STIM1: variants seen among roughly 807,000 people sequenced by gnomAD.
The protein encoded by STIM1 is stromal interaction molecule 1.
In STIM1, 25 loss-of-function variants were observed where a neutral mutation model predicts 74.7. The observed-to-expected ratio is 0.33, with a 90% CI of 0.24 to 0.47. The LOEUF (loss-of-function observed/expected upper bound fraction) is 0.47. Among genes scored for constraint, STIM1 ranks in the 20% least tolerant of loss-of-function variants. The pLI, the probability that STIM1 is intolerant of heterozygous loss-of-function variation, is 1.00. For synonymous variants in STIM1, 328 were observed against 348.8 expected (o/e 0.94, Z 0.66); for missense variants, 728 against 920.8 (o/e 0.79, Z 2.71).
Position 4,086,815 on chromosome 11 carries a change from C to G in STIM1, c.1634+272C>G, listed in dbSNP as rs746854219. 1.1e-4 allele frequency: 170 copies of G among 1,536,390 alleles called. No individual in the cohort carries two copies. The African/African-American group carries it at 1.7e-3, about 15-fold the overall frequency. The stretch of plus-strand genomic sequence containing the variant: ...GATGGAGCCCTACCCTGACACACCC[C>G]CTTCTGACAGCACCGCTGTGATGCC... On this transcript the variant is annotated intron_variant, in intron 12 of 12. Transcript: ENST00000526596.
At chr11:4,016,725 C>A (rs1056407724) in intron 2 of STIM1, among the ~76,000 whole-genome samples, 7 of 152,262 alleles carry the variant, frequency 4.6e-5, no homozygotes, top group African/African-American at 1.4e-4. Context: ...AGCTCCTTGC[C>A]ACTTTATTTA....
intron 1 of STIM1, among the ~76,000 whole-genome samples, chr11:3,921,112 A>G (rs564292838): frequency 1.6e-4 from 25 of 152,100 alleles, no homozygotes; most frequent in Non-Finnish European, 3.2e-4. Context: ...TAAGTATCTT[A>G]AGATGCAAGG....
At chr11:4,059,478 G>T in intron 5 of STIM1, 82 bp downstream of exon 5, 1 of 1,125,666 alleles carries the variant, frequency 8.9e-7, no homozygotes, top group South Asian at 1.3e-5. Context: ...CTAAGGCTCT[G>T]GGTCTCCTAG....
At chr11:4,006,202 G>A (rs1057076682) in intron 2 of STIM1, among the ~76,000 whole-genome samples, 1 of 152,110 alleles carries the variant, frequency 6.6e-6, no homozygotes, top group Non-Finnish European at 1.5e-5. Flanking sequence ...TCATTTAGAA[G>A]TGTGGTAGCA....
At chr11:3,917,204 AG>A (rs2092657437) in intron 1 of STIM1, among the ~76,000 whole-genome samples, 1 of 152,154 alleles carries the variant, frequency 6.6e-6, no homozygotes, top group Non-Finnish European at 1.5e-5. Context: ...CACAGCTGGC[AG>A]GGGTGAGGGG....
intron 3 of STIM1, among the ~76,000 whole-genome samples, chr11:4,051,944 C>T (rs1443317772): frequency 6.6e-6 from 1 of 152,334 alleles, no homozygotes; most frequent in African/African-American, 2.4e-5. Flanking sequence ...AAATCATAAG[C>T]ATTCCTATAC....
intron 10 of STIM1, among the ~76,000 whole-genome samples, chr11:4,084,440 A>G (rs890729866): frequency 2.0e-5 from 3 of 152,176 alleles, no homozygotes; most frequent in African/African-American, 7.2e-5. Context: ...CTAATCTGAT[A>G]ACTCGTTAGG....
chr11:4,070,177 G>A lies in STIM1; in HGVS notation c.765G>A (p.Glu255=). The change falls in exon 6 of 13, where the codon GAG becomes GAA. Residue 255 remains glutamate, a synonymous_variant. Coordinates refer to ENST00000526596, the MANE Select transcript of STIM1 (RefSeq NM_001382567.1). ...MKDLEGLHRA[E]QSLHDLQERL... ...ACTTGGAGGGGTTACACCGAGCTGA[G>A]CAGAGTCTGCATGACCTTCAGGAAA... 3 of 1,614,156 alleles carry A rather than the reference G, an allele frequency of 1.9e-6. No individual in the cohort carries two copies. Among genetic ancestry groups the A allele is most frequent in the Non-Finnish European group, 2.5e-6 (3 of 1,180,028 alleles).
chr11:4,028,039 C>G (rs1293166559), intron 3 of STIM1, among the ~76,000 whole-genome samples: 1 of 152,186 alleles, frequency 6.6e-6, no homozygotes, highest in Admixed American at 6.5e-5. Context: ...TTTCTCTTCT[C>G]CTTTCCTGGA....
Position 3,855,888 on chromosome 11 carries a change from T to C in STIM1, c.-383T>C, listed in dbSNP as rs200604943. ...GTCAGGTGCCCCCTTCTCGCCTCTC[T>C]TCTCTTCTCTTCTCTTCCTCCTCCA... is the stretch of plus-strand genomic sequence containing the variant. On this transcript the variant is annotated 5_prime_UTR_variant, in exon 1 of 13. Coordinates refer to ENST00000526596, the MANE Select transcript of STIM1 (RefSeq NM_001382567.1). The C allele has an allele frequency of 1.7e-5, 2 of 116,570 alleles. No homozygotes were observed. Among genetic ancestry groups the C allele is most frequent in the Non-Finnish European group, 2.1e-5 (1 of 48,068 alleles). The allele number at this position is 116,570 out of a possible 1,614,324, so 7.2% of individuals were successfully genotyped here.
chr11:4,089,157 A>G (rs10835605), intron 12 of STIM1: 171,324 of 221,304 alleles, frequency 0.77, 69,984 homozygotes, highest in South Asian at 0.91. Flanking sequence ...TGGGAGGTCA[A>G]GGCTGCAGTG....
rs1206470512 is a variant in STIM1, at chr11:4,083,443, G to T, written c.1419G>T (p.Met473Ile). 2.5e-6 allele frequency: 4 copies of T among 1,614,212 alleles called. No homozygotes were observed. In the Admixed American group the frequency reaches 5.0e-5, roughly 20 times the overall value. ...STRPNPAHFI[M>I]TDDVDDMDEE... Reference sequence around the variant, plus strand: ...GCCCCAACCCTGCTCACTTCATCATGACTGACGACGTGGATGACATGGATG... The same window carrying T: ...GCCCCAACCCTGCTCACTTCATCATTACTGACGACGTGGATGACATGGATG... Residue 473 changes from methionine (M) to isoleucine (I), a missense_variant, in exon 10 of 13, where the codon ATG becomes ATT. Around this residue, in one of 5 missense-constraint regions of STIM1, gnomAD observed 352 missense variants for 370.1 expected, o/e 0.95. Coordinates refer to ENST00000526596, the MANE Select transcript of STIM1 (RefSeq NM_001382567.1).
intron 3 of STIM1, among the ~76,000 whole-genome samples, chr11:4,025,855 G>T (rs567272627): frequency 6.6e-6 from 1 of 152,206 alleles, no homozygotes; most frequent in Admixed American, 6.5e-5. Context: ...GAGGTTTTTT[G>T]GGGGAGAGTC....
chr11:4,046,508 T>C (rs2094194958), intron 3 of STIM1, among the ~76,000 whole-genome samples: 1 of 152,190 alleles, frequency 6.6e-6, no homozygotes, highest in South Asian at 2.1e-4. Context: ...TTCAGAGCTT[T>C]CCTTCTGAAC....
intron 1 of STIM1, among the ~76,000 whole-genome samples, chr11:3,881,887 G>A (rs370869714): frequency 6.7e-6 from 1 of 149,952 alleles, no homozygotes; most frequent in East Asian, 2.0e-4. Context: ...GGCCAAGCTG[G>A]TCTCGAACTC....
At chr11:4,049,715 AACACAC>A (rs748609546) in intron 3 of STIM1, 1,175 of 101,458 alleles carry the variant, frequency 0.012, 20 homozygotes, top group African/African-American at 0.033. Flanking sequence ...CCCCTGCCCA[AACACAC>A]ACACACACAC....
intron 3 of STIM1, among the ~76,000 whole-genome samples, chr11:4,027,421 C>T (rs1432375333): frequency 1.3e-5 from 2 of 152,068 alleles, no homozygotes; most frequent in Non-Finnish European, 2.9e-5. Context: ...AAGCGATTCT[C>T]CTGCCTCAGC....
At chr11:3,945,435 A>T (rs1462860276) in intron 1 of STIM1, among the ~76,000 whole-genome samples, 1 of 152,042 alleles carries the variant, frequency 6.6e-6, no homozygotes, top group East Asian at 1.9e-4. Context: ...AAATAAAAAA[A>T]AAAAGAAAAG....
At chr11:4,038,469 A>G (rs1329570826) in intron 3 of STIM1, among the ~76,000 whole-genome samples, 1 of 152,012 alleles carries the variant, frequency 6.6e-6, no homozygotes, top group Non-Finnish European at 1.5e-5. Flanking sequence ...CCCTCTCTCA[A>G]GCTTAGATTT....
Sources: gnomAD v4.1 joint callset for allele counts (sites outside exome capture counted in the v4.1 genomes callset) on GRCh38, gnomAD v4.1.1 for gene constraint, gnomAD v4.1.1 regional missense constraint, MANE v1.5 for transcripts, NCBI Gene and HGNC (gene_info 2026-07-23, HGNC 2026-07-21) for gene names.